PTPRT: variants seen among roughly 807,000 people sequenced by gnomAD.
The protein encoded by PTPRT is protein tyrosine phosphatase receptor type T, also known as receptor-type tyrosine-protein phosphatase T.
A neutral mutation model predicts 176.8 loss-of-function variants in PTPRT; 56 were observed. The ratio of observed to expected loss-of-function variants is 0.32; its 90% CI spans 0.26 to 0.40. The LOEUF (loss-of-function observed/expected upper bound fraction) is 0.40, where lower values mean the gene tolerates loss of function less well. Ranked by LOEUF, PTPRT falls within the 10% of genes least tolerant of loss-of-function variation. PTPRT has a pLI of 1.00. For synonymous variants in PTPRT, 783 were observed against 739.0 expected, an observed-to-expected ratio of 1.06 and a Z score of -0.96; for missense variants, 1,540 against 1,908.2, an observed-to-expected ratio of 0.81 and a Z score of 3.60.
rs536370196 is a variant in PTPRT, at chr20:42,144,335, T to A, written c.2683-2333A>T. 6.6e-5 allele frequency among the ~76,000 whole-genome samples: 10 copies of A among 152,272 alleles called. No individual in the cohort carries two copies. The South Asian group carries it at 2.1e-3, about 32-fold the overall frequency. ...GTGCCTAGCATTGAATACTGCACAC[T>A]TTTTTAAAAACATGTTCAAAATAAC... On this transcript the variant is annotated intron_variant, in intron 17 of 30. Transcript: ENST00000373187.
At chr20:42,533,936 C>T (rs949717247) in intron 7 of PTPRT, among the ~76,000 whole-genome samples, 1 of 152,190 alleles carries the variant, frequency 6.6e-6, no homozygotes, top group African/African-American at 2.4e-5. Context: ...CTGCCATTCT[C>T]ATACACGCTA....
At chr20:42,201,950 C>CGTGTGTGTGTGTGTGT (rs11468258) in intron 15 of PTPRT, among the ~76,000 whole-genome samples, 4,229 of 143,166 alleles carry the variant, frequency 0.03, 103 homozygotes, top group African/African-American at 0.055. Flanking sequence ...AGAAAAGTTG[C>CGTGTGTGTGTGTGTGT]GTGTGTGTGT....
At chr20:43,017,560 G>C (rs964438863) in intron 1 of PTPRT, among the ~76,000 whole-genome samples, 6 of 152,050 alleles carry the variant, frequency 3.9e-5, no homozygotes, top group Non-Finnish European at 8.8e-5. Context: ...TCTCTCCCTT[G>C]TCACCCTCCC....
chr20:42,180,355 C>A (rs531144536), intron 16 of PTPRT, among the ~76,000 whole-genome samples: 8 of 152,256 alleles, frequency 5.3e-5, no homozygotes, highest in African/African-American at 1.7e-4. Flanking sequence ...ACATCTGTTA[C>A]CTTTTTAAAG....
intron 11 of PTPRT, among the ~76,000 whole-genome samples, chr20:42,330,524 G>A (rs2057951773): frequency 1.3e-5 from 2 of 151,696 alleles, no homozygotes; most frequent in East Asian, 1.9e-4. Context: ...CTAGCCAACA[G>A]CTCTATTAGC....
chr20:42,315,835 G>T lies in PTPRT; in HGVS notation c.2027C>A (p.Thr676Asn). The change falls in exon 12 of 31, where the codon ACC becomes AAC. Residue 676 changes from threonine to asparagine, a missense_variant. Thr to Asn is a moderately conservative substitution (Grantham distance 65). Transcript: ENST00000373187. ...ATTGTCACCCACTGTAAATGGCTGG[G>T]TGACAGGCAGGTTGGCAGGCTTCAA... The part of the protein sequence containing the change: ...AELKPANLPV[T>N]QPFTVGDNKT... 2 of 1,614,184 alleles carry T rather than the reference G, an allele frequency of 1.2e-6. No homozygotes were observed. The highest frequency in any genetic ancestry group is 1.7e-6 in the Non-Finnish European group (2 of 1,180,038).
At chr20:42,629,135 T>C (rs2074354467) in intron 7 of PTPRT, among the ~76,000 whole-genome samples, 1 of 151,932 alleles carries the variant, frequency 6.6e-6, no homozygotes, top group Non-Finnish European at 1.5e-5. Flanking sequence ...ACTTAGTAAG[T>C]AGCCAATTAC....
intron 1 of PTPRT, among the ~76,000 whole-genome samples, chr20:43,140,744 T>C (rs1301841917): frequency 6.6e-6 from 1 of 152,182 alleles, no homozygotes; most frequent in Non-Finnish European, 1.5e-5. Context: ...TAAGCCAGTT[T>C]ACTTTTTTGA....
chr20:42,322,727 A>C (rs2145406465), intron 11 of PTPRT, among the ~76,000 whole-genome samples: 1 of 152,164 alleles, frequency 6.6e-6, no homozygotes, highest in African/African-American at 2.4e-5. Flanking sequence ...AAAACACCAA[A>C]GCAATGGCAA....
At chr20:43,037,529 C>A (rs1282151206) in intron 1 of PTPRT, among the ~76,000 whole-genome samples, 1 of 152,162 alleles carries the variant, frequency 6.6e-6, no homozygotes, top group Non-Finnish European at 1.5e-5. Context: ...ACCCTACTAC[C>A]AAGCTAAAGT....
intron 1 of PTPRT, among the ~76,000 whole-genome samples, chr20:43,158,211 T>C (rs530498943): frequency 1.2e-3 from 189 of 151,950 alleles, no homozygotes; most frequent in Non-Finnish European, 2.3e-3. Context: ...GTATGGGACA[T>C]AGAGAGGAAT....
In PTPRT at chr20:43,040,405, G is replaced by A. The variant is rs141839730; in HGVS notation, c.88+149241C>T. 4.4e-3 allele frequency among the ~76,000 whole-genome samples: 664 copies of A among 152,164 alleles called. 5 individuals carry two copies. Among genetic ancestry groups the A allele is most frequent in the African/African-American group, 0.013 (555 of 41,518 alleles). On this transcript the variant is annotated intron_variant, in intron 1 of 30. Transcript: ENST00000373187. ...ATGGTTGCCAACAGAGCAGAACTGG[G>A]GAGGAAGGACAAAATTATTCACTAT...
At chr20:42,591,451 G>C (rs1217031190) in intron 7 of PTPRT, among the ~76,000 whole-genome samples, 2 of 152,170 alleles carry the variant, frequency 1.3e-5, no homozygotes, top group East Asian at 3.8e-4. Flanking sequence ...GCATGATCCT[G>C]TTACAGAAAC....
intron 7 of PTPRT, among the ~76,000 whole-genome samples, chr20:42,528,563 G>C (rs2072319869): frequency 6.6e-6 from 1 of 152,094 alleles, no homozygotes; most frequent in African/African-American, 2.4e-5. Flanking sequence ...TTCCACTCCT[G>C]ATGCCCTGCC....
chr20:42,036,256 C>T, the PTPRT span, among the ~76,000 whole-genome samples: 1 of 152,200 alleles, frequency 6.6e-6, no homozygotes, highest in Non-Finnish European at 1.5e-5. Context: ...TGAGTTAGGA[C>T]AAGTGGACAC....
In PTPRT at chr20:42,283,214, G is replaced by C. The variant is rs148069107; in HGVS notation, c.2140-689C>G. Among the ~76,000 whole-genome samples the C allele has an allele frequency of 2.3e-3, 348 of 152,236 alleles. 1 individual carries two copies. The highest frequency in any genetic ancestry group is 0.013 in the South Asian group (63 of 4,824). ...TGGAGTTAATGAAGAGTGTGCTTAG[G>C]AAGAGAATTCTCTGCCCGCTTTACT... On this transcript the variant is annotated intron_variant, in intron 12 of 30. Transcript: ENST00000373187.
At chr20:42,902,119 T>C (rs891894967) in intron 1 of PTPRT, among the ~76,000 whole-genome samples, 2 of 152,230 alleles carry the variant, frequency 1.3e-5, no homozygotes, top group African/African-American at 2.4e-5. Flanking sequence ...CAGCTTATTT[T>C]TGCTAGTCCC....
At position 43,020,865 on chromosome 20, in the gene PTPRT, A is replaced by C. The variant is rs984930840; in HGVS notation, c.89-134933T>G. On this transcript the variant is annotated intron_variant, in intron 1 of 30. Transcript: ENST00000373187. ...TGTCAGAAAGATCCTATTAAGGATG[A>C]TGCTGCTGCTGCTGCCTATTTTACT... Among the ~76,000 whole-genome samples the C allele has an allele frequency of 5.3e-5, 8 of 152,130 alleles. No individual in the cohort carries two copies. The East Asian group carries it at 5.8e-4, about 11-fold the overall frequency.
At chr20:42,852,649 C>A (rs1488689208) in intron 2 of PTPRT, among the ~76,000 whole-genome samples, 1 of 152,124 alleles carries the variant, frequency 6.6e-6, no homozygotes, top group African/African-American at 2.4e-5. Context: ...TCCACTGGCT[C>A]ATCCTAGAGA....
Sources: gnomAD v4.1 joint callset for allele counts (sites outside exome capture counted in the v4.1 genomes callset) on GRCh38, gnomAD v4.1.1 for gene constraint, MANE v1.5 for transcripts, NCBI Gene and HGNC (gene_info 2026-07-23, HGNC 2026-07-21) for gene names.